Variants in PTCD1 observed in about 807,000 individuals in gnomAD.
PTCD1 encodes pentatricopeptide repeat domain 1.
PTCD1 carries 50 observed loss-of-function variants against 53.4 expected under a neutral mutation model. That is an observed-to-expected ratio of 0.94 (90% CI 0.75 to 1.19). The LOEUF is 1.19. PTCD1 is among the 50% of genes most tolerant of loss of function. The probability of loss-of-function intolerance (pLI) is 0.00; values close to 1 mark genes in which losing one functional copy is unlikely to be tolerated. For synonymous variants in PTCD1, 413 were observed against 394.8 expected (o/e 1.05, Z -0.55); for missense variants, 918 against 904.8 (o/e 1.01, Z -0.19).
Position 99,424,108 on chromosome 7 carries a change from C to T in PTCD1, c.1738-151G>A, listed in dbSNP as rs1475499515. On this transcript the variant is annotated intron_variant, in intron 6 of 7. Transcript: ENST00000292478. ...CAACAATGTGCTGAATATCCCTCTC[C>T]AGCAGGAAAGCCAAGCCCAGCCCCT... is the stretch of plus-strand genomic sequence containing the variant. 1.2e-5 allele frequency: 14 copies of T among 1,173,872 alleles called. No homozygotes were observed. The East Asian group carries it at 2.8e-4, about 24-fold the overall frequency. 72.7% of individuals were successfully genotyped at this position (1,173,872 alleles called of 1,614,324 possible).
chr7:99,421,617 T>C (rs1795827115), intron 7 of PTCD1, among the ~76,000 whole-genome samples: 1 of 147,092 alleles, frequency 6.8e-6, no homozygotes, highest in Non-Finnish European at 1.5e-5. Flanking sequence ...TAGCCTGGTG[T>C]GGTGGCAGGC....
In PTCD1 at chr7:99,429,653, A is replaced by G. The variant is rs776772347; in HGVS notation, c.748T>C (p.Tyr250His). Residue 250 changes from tyrosine (Y) to histidine (H), a missense_variant, in exon 4 of 8, where the codon TAC becomes CAC. Tyr to His is a moderately conservative substitution (Grantham distance 83). Transcript: ENST00000292478. ...AKNFELNLKT[Y>H]HALLKMAAKC... ...GCAGCCATCTTCAGCAGCGCGTGGT[A>G]TGTTTTCAAGTTGAGCTCGAAGTTT... is the stretch of plus-strand genomic sequence containing the variant. The G allele has an allele frequency of 6.2e-7, 1 of 1,614,212 alleles. No individual in the cohort carries two copies. Among genetic ancestry groups the G allele is most frequent in the Non-Finnish European group, 8.5e-7 (1 of 1,180,044 alleles).
Position 99,423,905 on chromosome 7 carries a change from G to A in PTCD1, c.1790C>T (p.Ala597Val), listed in dbSNP as rs750704663. 7 of 1,614,042 alleles carry A rather than the reference G, an allele frequency of 4.3e-6. No individual in the cohort carries two copies. In the African/African-American group the frequency reaches 6.7e-5, roughly 15 times the overall value. ...THIYSALINAAIRKLNYTYLI... is the reference protein window; with the variant it reads ...THIYSALINAVIRKLNYTYLI... Reference sequence around the variant, plus strand: ...ATAGGTGTAGTTCAGCTTCCTGATGGCCGCGTTGATGAGGGCACTGTAGAT... The same window carrying A: ...ATAGGTGTAGTTCAGCTTCCTGATGACCGCGTTGATGAGGGCACTGTAGAT... Residue 597 changes from alanine (A) to valine (V), a missense_variant, in exon 7 of 8, where the codon GCC becomes GTC. Physicochemically the swap from Ala to Val is moderately conservative, Grantham distance 64. Coordinates refer to ENST00000292478, the MANE Select transcript of PTCD1 (RefSeq NM_015545.4).
At chr7:99,432,725 C>A (rs1796310214) in intron 3 of PTCD1, among the ~76,000 whole-genome samples, 2 of 152,194 alleles carry the variant, frequency 1.3e-5, no homozygotes, top group Non-Finnish European at 1.5e-5. Context: ...TCTCGTCCCA[C>A]CTGACGAGAA....
Position 99,417,825 on chromosome 7 carries a change from A to G in PTCD1, c.*2142T>C. The G allele has an allele frequency of 1.3e-6, 2 of 1,486,302 alleles. No individual in the cohort carries two copies. The highest frequency in any genetic ancestry group is 1.8e-6 in the Non-Finnish European group (2 of 1,121,080). The allele number at this position is 1,486,302 out of a possible 1,614,324, so 92.1% of individuals were successfully genotyped here. ...CAATCTCAACTCCACTTTTGGGCAA[A>G]TTACTGAACCCCTTTCCTCACTTAG... On this transcript the variant is annotated 3_prime_UTR_variant, in exon 8 of 8. Coordinates refer to ENST00000292478, the MANE Select transcript of PTCD1 (RefSeq NM_015545.4).
intron 3 of PTCD1, among the ~76,000 whole-genome samples, chr7:99,431,127 T>G (rs902504907): frequency 2.7e-5 from 4 of 149,706 alleles, no homozygotes; most frequent in African/African-American, 1.0e-4. Flanking sequence ...AAAATATTAG[T>G]TTTTTTTCTT....
At chr7:99,427,056 C>T (rs1327982370) in intron 5 of PTCD1, among the ~76,000 whole-genome samples, 4 of 151,810 alleles carry the variant, frequency 2.6e-5, no homozygotes, top group Non-Finnish European at 4.4e-5. Context: ...GCGTCTCCGC[C>T]CGGCAGCCAC....
Position 99,438,753 on chromosome 7 carries a change from G to A in PTCD1, c.-88C>T. 7.5e-7 allele frequency: 1 copy of A among 1,331,222 alleles called. No individual in the cohort carries two copies. The highest frequency in any genetic ancestry group is 9.8e-7 in the Non-Finnish European group (1 of 1,017,976). The allele number at this position is 1,331,222 out of a possible 1,614,324, so 82.5% of individuals were successfully genotyped here. A position where few individuals can be genotyped will look rare whatever the true frequency, so the allele number is the denominator to read the frequency against. ...CCTGCCCGGTCCCCGCGGCGAACCA[G>A]TCTCTTCCTCGGGTCCCCCTCTCCC... On this transcript the variant is annotated 5_prime_UTR_variant, in exon 1 of 8. Coordinates refer to ENST00000292478, the MANE Select transcript of PTCD1 (RefSeq NM_015545.4).
At position 99,417,693 on chromosome 7, in the gene PTCD1, C is replaced by A; in HGVS notation, c.*2274G>T. 6.4e-7 allele frequency: 1 copy of A among 1,555,376 alleles called. No homozygotes were observed. The highest frequency in any genetic ancestry group is 1.2e-5 in the South Asian group (1 of 85,938). On this transcript the variant is annotated 3_prime_UTR_variant, in exon 8 of 8. Transcript: ENST00000292478. Reference sequence around the variant, plus strand: ...ATGTTATTTGGTTGGGCTGGAATGTCGTTTTGTCCCTGGATGTCCTGCTGG... The same window carrying A: ...ATGTTATTTGGTTGGGCTGGAATGTAGTTTTGTCCCTGGATGTCCTGCTGG...
At position 99,419,906 on chromosome 7, in the gene PTCD1, C is replaced by T. The variant is rs1022357855; in HGVS notation, c.*61G>A. On this transcript the variant is annotated 3_prime_UTR_variant, in exon 8 of 8. Coordinates refer to ENST00000292478, the MANE Select transcript of PTCD1 (RefSeq NM_015545.4). The stretch of plus-strand genomic sequence containing the variant: ...CCAGGCAGGAGGTGACACCAGCTCA[C>T]TTGTCCTGGGGCTCCCACAGAGCAC... The T allele has an allele frequency of 9.9e-6, 16 of 1,610,902 alleles. No homozygotes were observed. The African/African-American group carries it at 1.7e-4, about 17-fold the overall frequency.
chr7:99,438,203 C>T (rs2150965142), intron 1 of PTCD1, among the ~76,000 whole-genome samples: 1 of 152,148 alleles, frequency 6.6e-6, no homozygotes, highest in East Asian at 1.9e-4. Context: ...GCAGGAGGAT[C>T]GCTTTGGGCT....
chr7:99,428,513 G>A (rs936256298), intron 5 of PTCD1, among the ~76,000 whole-genome samples: 7 of 151,846 alleles, frequency 4.6e-5, no homozygotes, highest in African/African-American at 1.2e-4. Context: ...AGGCCCAGGC[G>A]GGCAGATCAC....
chr7:99,417,388 T>C lies in PTCD1; in HGVS notation c.*2579A>G. The C allele has an allele frequency of 6.2e-7, 1 of 1,604,760 alleles. No homozygotes were observed. Among genetic ancestry groups the C allele is most frequent in the Non-Finnish European group, 8.5e-7 (1 of 1,172,024 alleles). ...TTTTGATCAAGGGTGGGGAAGGTTT[T>C]TAGACCATGGCCTGATGCTCTTTCC... On this transcript the variant is annotated 3_prime_UTR_variant, in exon 8 of 8. Transcript: ENST00000292478.
chr7:99,428,883 A>G (rs1275277610), intron 5 of PTCD1, among the ~76,000 whole-genome samples: 1 of 137,972 alleles, frequency 7.2e-6, no homozygotes, highest in African/African-American at 2.6e-5. Context: ...CCGACTGCAA[A>G]GCAGGGTGGG....
rs1795599418 is a variant in PTCD1 at position 99,417,974 on chromosome 7, T to C, written c.*1993A>G. 2.5e-6 allele frequency: 3 copies of C among 1,181,234 alleles called. No homozygotes were observed. The highest frequency in any genetic ancestry group is 3.3e-5 in the South Asian group (2 of 60,580). 73.2% of individuals were successfully genotyped at this position (1,181,234 alleles called of 1,614,324 possible). ...ACTTTAACATTACCATCACTATCTT[T>C]CCCGCCCCCCCAAGACGGAGTCTTG... On this transcript the variant is annotated 3_prime_UTR_variant, in exon 8 of 8. Transcript: ENST00000292478.
At chr7:99,437,366 G>A (rs1584471297) in intron 1 of PTCD1, among the ~76,000 whole-genome samples, 1 of 150,110 alleles carries the variant, frequency 6.7e-6, no homozygotes, top group African/African-American at 2.5e-5. Flanking sequence ...GTCCTCAGGC[G>A]TGACCTCGGC....
chr7:99,433,826 G>A (rs1796348252), intron 2 of PTCD1, among the ~76,000 whole-genome samples: 1 of 152,102 alleles, frequency 6.6e-6, no homozygotes, highest in Admixed American at 6.6e-5. Context: ...GGCTGAGGCG[G>A]GCAGATCACA....
intron 3 of PTCD1, among the ~76,000 whole-genome samples, chr7:99,430,524 G>A (rs558144768): frequency 3.3e-5 from 5 of 152,202 alleles, no homozygotes; most frequent in Non-Finnish European, 7.4e-5. Context: ...TCCCAGCCCC[G>A]GTGCATTCAA....
At position 99,417,024 on chromosome 7, in the gene PTCD1, TG is replaced by T; in HGVS notation, c.*2942del. On this transcript the variant is annotated 3_prime_UTR_variant, in exon 8 of 8. Transcript: ENST00000292478. ...GCCTGGCCTAAGTACTTTTTTTTTT[TG>T]TTCCTCCTCCAAGGACTGTCCCGTT... 1 of 165,282 alleles carries T rather than the reference TG, an allele frequency of 6.1e-6. No individual in the cohort carries two copies. The highest frequency in any genetic ancestry group is 5.8e-5 in the Admixed American group (1 of 17,384). 10.2% of individuals were successfully genotyped at this position (165,282 alleles called of 1,614,324 possible). A position where few individuals can be genotyped will look rare whatever the true frequency, so the allele number is the denominator to read the frequency against.
Sources: gnomAD v4.1 joint callset for allele counts (sites outside exome capture counted in the v4.1 genomes callset) on GRCh38, gnomAD v4.1.1 for gene constraint, MANE v1.5 for transcripts, NCBI Gene and HGNC (gene_info 2026-07-23, HGNC 2026-07-21) for gene names.